The following ARHGAP24 variants were observed in gnomAD, a reference collection of about 807,000 sequenced individuals.
ARHGAP24 encodes the protein Rho GTPase activating protein 24.
ARHGAP24 carries 50 observed loss-of-function variants against 76.4 expected under a neutral mutation model. The ratio of observed to expected loss-of-function variants is 0.65; its 90% CI spans 0.52 to 0.83. The LOEUF (loss-of-function observed/expected upper bound fraction) is 0.83. ARHGAP24 is among the 40% of genes least tolerant of loss of function. The pLI is 0.00. For synonymous variants in ARHGAP24, 345 were observed against 323.3 expected (o/e 1.07, Z -0.72); for missense variants, 930 against 914.2 (o/e 1.02, Z -0.22).
intron 4 of ARHGAP24, chr4:85,930,795 A>C: frequency 2.0e-6 from 3 of 1,486,580 alleles, no homozygotes; most frequent in Non-Finnish European, 2.7e-6. Flanking sequence ...GACCTGGATG[A>C]TCAAAACCTT....
intron 2 of ARHGAP24, among the ~76,000 whole-genome samples, chr4:85,612,985 G>A (rs1297450696): frequency 1.3e-5 from 2 of 151,376 alleles, no homozygotes; most frequent in African/African-American, 2.4e-5. Flanking sequence ...TTTTGTAGAA[G>A]CAGGGTTTCG....
At chr4:85,520,192 A>G (rs1375198111) in intron 1 of ARHGAP24, among the ~76,000 whole-genome samples, 1 of 152,194 alleles carries the variant, frequency 6.6e-6, no homozygotes, top group Non-Finnish European at 1.5e-5. Flanking sequence ...GAAAGCATAT[A>G]AAATTTATAC....
intron 1 of ARHGAP24, among the ~76,000 whole-genome samples, chr4:85,516,209 A>C (rs918655477): frequency 6.6e-6 from 1 of 152,160 alleles, no homozygotes. Flanking sequence ...CTGTGAAGGA[A>C]GGTCTCTTAT....
chr4:85,482,733 G>C (rs549960635), intron 1 of ARHGAP24, among the ~76,000 whole-genome samples: 26 of 152,330 alleles, frequency 1.7e-4, no homozygotes, highest in African/African-American at 6.3e-4. Context: ...CTATGTGCTA[G>C]TTTGGCCCTG....
At chr4:85,965,941 G>A (rs1738566595) in intron 5 of ARHGAP24, among the ~76,000 whole-genome samples, 1 of 152,078 alleles carries the variant, frequency 6.6e-6, no homozygotes, top group Admixed American at 6.6e-5. Context: ...GTAGACTTGG[G>A]GGTTGTTTTA....
In ARHGAP24 at chr4:85,989,697, G is replaced by T. The variant is rs74556049; in HGVS notation, c.929-4886G>T. Among the ~76,000 whole-genome samples, 503 of 151,756 alleles carry T rather than the reference G, an allele frequency of 3.3e-3. 5 individuals carry two copies. Among genetic ancestry groups the T allele is most frequent in the African/African-American group, 0.011 (473 of 41,520 alleles). On this transcript the variant is annotated intron_variant, in intron 8 of 9. Transcript: ENST00000395184. ...AGGATAATAAATCAGGACCAGTGGG[G>T]TTTATCCCAGGAAGACAGGTTGGTT...
At chr4:85,729,134 G>A (rs1441649891) in intron 3 of ARHGAP24, among the ~76,000 whole-genome samples, 2 of 150,260 alleles carry the variant, frequency 1.3e-5, no homozygotes, top group African/African-American at 4.9e-5. Flanking sequence ...CTCTTTTTTT[G>A]TCTGCCTAAG....
chr4:85,588,920 G>C (rs530045381), intron 2 of ARHGAP24, among the ~76,000 whole-genome samples: 160 of 152,306 alleles, frequency 1.1e-3, no homozygotes, highest in African/African-American at 3.6e-3. Flanking sequence ...ATGTTGAACT[G>C]ACTTGAAATG....
At chr4:85,622,984 A>G (rs1280241524) in intron 2 of ARHGAP24, among the ~76,000 whole-genome samples, 1 of 151,850 alleles carries the variant, frequency 6.6e-6, no homozygotes, top group East Asian at 1.9e-4. Context: ...TTCATTGTAG[A>G]TTCTGGATAT....
chr4:85,793,332 A>G (rs1728210579), intron 3 of ARHGAP24, among the ~76,000 whole-genome samples: 1 of 152,212 alleles, frequency 6.6e-6, no homozygotes, highest in Non-Finnish European at 1.5e-5. Context: ...AAAGTTAAGC[A>G]TGTCTTTTGC....
At chr4:85,485,295 C>G (rs1203648403) in intron 1 of ARHGAP24, among the ~76,000 whole-genome samples, 1 of 127,840 alleles carries the variant, frequency 7.8e-6, no homozygotes, top group Non-Finnish European at 1.6e-5. Context: ...TTGCAGTGAG[C>G]CGAGATCGCA....
At chr4:85,660,794 C>CAAA (rs34228407) in intron 2 of ARHGAP24, among the ~76,000 whole-genome samples, 12,350 of 58,978 alleles carry the variant, frequency 0.21, 2,827 homozygotes, top group East Asian at 0.54. Flanking sequence ...GACTCCGTCT[C>CAAA]AAAAAAAAAA....
At chr4:85,603,499 T>G (rs1720101766) in intron 2 of ARHGAP24, among the ~76,000 whole-genome samples, 1 of 152,228 alleles carries the variant, frequency 6.6e-6, no homozygotes, top group South Asian at 2.1e-4. Flanking sequence ...TTAACATCTT[T>G]ATTTTTAATA....
intron 1 of ARHGAP24, among the ~76,000 whole-genome samples, chr4:85,507,004 T>A (rs1363749533): frequency 6.6e-6 from 1 of 152,162 alleles, no homozygotes; most frequent in Non-Finnish European, 1.5e-5. Flanking sequence ...ATTTGGTAGA[T>A]TCCAATTGTT....
At chr4:85,669,655 A>G (rs1722753520) in intron 2 of ARHGAP24, among the ~76,000 whole-genome samples, 2 of 46,470 alleles carry the variant, frequency 4.3e-5, no homozygotes, top group Admixed American at 2.9e-4. Context: ...ATATATATAT[A>G]TATATATATA....
At chr4:85,750,164 T>A (rs1259346257) in intron 3 of ARHGAP24, among the ~76,000 whole-genome samples, 1 of 152,182 alleles carries the variant, frequency 6.6e-6, no homozygotes, top group African/African-American at 2.4e-5. Context: ...AATATATAAA[T>A]AATCGTCAGT....
chr4:85,773,709 AT>A (rs1727212032), intron 3 of ARHGAP24, among the ~76,000 whole-genome samples: 1 of 152,172 alleles, frequency 6.6e-6, no homozygotes, highest in African/African-American at 2.4e-5. Context: ...GGCTCAACAA[AT>A]ATAGGCACGT....
chr4:85,634,027 G>A (rs1428477818), intron 2 of ARHGAP24, among the ~76,000 whole-genome samples: 1 of 151,814 alleles, frequency 6.6e-6, no homozygotes. Flanking sequence ...CTATGTAAAT[G>A]ACTTGACCTT....
chr4:86,001,041 T>A lies in ARHGAP24; in HGVS notation c.*319T>A. On this transcript the variant is annotated 3_prime_UTR_variant, in exon 10 of 10. Transcript: ENST00000395184. The stretch of plus-strand genomic sequence containing the variant: ...TTTAAATGTTAAATCAATATGTTGT[T>A]GCAATTTAGCTTGCTTTCAAGCTTC... 1 of 475,230 alleles carries A rather than the reference T, an allele frequency of 2.1e-6. No individual in the cohort carries two copies. The highest frequency in any genetic ancestry group is 3.7e-6 in the Non-Finnish European group (1 of 272,598). The allele number at this position is 475,230 out of a possible 1,614,324, so 29.4% of individuals were successfully genotyped here. A position where few individuals can be genotyped will look rare whatever the true frequency, so the allele number is the denominator to read the frequency against.
Sources: allele counts gnomAD v4.1 joint callset (sites outside exome capture counted in the v4.1 genomes callset), GRCh38; gene constraint gnomAD v4.1.1; transcripts MANE v1.5; gene names NCBI Gene and HGNC (gene_info 2026-07-23, HGNC 2026-07-21).